ALS2: variants seen among roughly 807,000 people sequenced by gnomAD.
The protein encoded by ALS2 is alsin.
ALS2 carries 117 observed loss-of-function variants against 203.4 expected under a neutral mutation model. The ratio of observed to expected loss-of-function variants is 0.58; its 90% CI spans 0.50 to 0.67. The LOEUF is 0.67. ALS2 is among the 30% of genes least tolerant of loss of function. The pLI is 0.00. For synonymous variants in ALS2, 718 were observed against 725.9 expected, an observed-to-expected ratio of 0.99 and a Z score of 0.17; for missense variants, 1,715 against 1,989.4, an observed-to-expected ratio of 0.86 and a Z score of 2.62.
intron 2 of ALS2, 93 bp downstream of exon 2, chr2:201,768,773 C>G: frequency 7.8e-7 from 1 of 1,275,370 alleles, no homozygotes; most frequent in Admixed American, 1.8e-5. Flanking sequence ...CAACCATCAA[C>G]AAGAAAATTA....
intron 33 of ALS2, among the ~76,000 whole-genome samples, chr2:201,703,918 T>A (rs1166651948): frequency 6.6e-6 from 1 of 152,238 alleles, no homozygotes; most frequent in African/African-American, 2.4e-5. Context: ...ATGAAGAATT[T>A]GCTTTAGTAT....
rs1693174200 is a variant in ALS2, at chr2:201,753,237, T to C, written c.1646A>G (p.Gln549Arg). 1 of 1,613,798 alleles carries C rather than the reference T, an allele frequency of 6.2e-7. No individual in the cohort carries two copies. The highest frequency in any genetic ancestry group is 1.3e-5 in the African/African-American group (1 of 74,930). Reference sequence around the variant, plus strand: ...ATCCAGACATTTTACACACAACGGTTGAAGCCTTAAAAAGAAACACACAGG... The same window carrying C: ...ATCCAGACATTTTACACACAACGGTCGAAGCCTTAAAAAGAAACACACAGG... ...LGHGDVLPRL[Q>R]PLCVKCLDGK... Residue 549 changes from glutamine (Q) to arginine (R), a missense_variant, in exon 7 of 34, where the codon CAA becomes CGA. Physicochemically the swap from Gln to Arg is conservative, Grantham distance 43. Transcript: ENST00000264276.
intron 10 of ALS2, among the ~76,000 whole-genome samples, 186 bp downstream of exon 10, chr2:201,744,072 G>T (rs899410122): frequency 1.3e-5 from 2 of 152,102 alleles, no homozygotes; most frequent in Non-Finnish European, 2.9e-5. Flanking sequence ...GACAGGGCAG[G>T]GGCAGTGAGG....
intron 11 of ALS2, among the ~76,000 whole-genome samples, chr2:201,740,903 G>A (rs545029013): frequency 1.3e-5 from 2 of 152,228 alleles, no homozygotes; most frequent in East Asian, 3.9e-4. Context: ...CTTTTCGCAG[G>A]CCCCATGCTG....
intron 5 of ALS2, 45 bp from the exon 6 acceptor site, chr2:201,754,716 G>A (rs977352941): frequency 2.5e-6 from 4 of 1,602,470 alleles, no homozygotes; most frequent in East Asian, 2.2e-5. Context: ...GAGTCCAGAG[G>A]GTAAGAAAAC....
At chr2:201,733,202 G>C in intron 13 of ALS2, 74 bp downstream of exon 13, 1 of 1,460,418 alleles carries the variant, frequency 6.8e-7, no homozygotes, top group Middle Eastern at 1.8e-4. Context: ...CAGATCTTGT[G>C]GTGGCATAAT....
rs768869484 is a variant in ALS2, at chr2:201,704,144, C to T, written c.4913G>A (p.Gly1638Asp). 1.2e-6 allele frequency: 2 copies of T among 1,613,150 alleles called. No homozygotes were observed. The highest frequency in any genetic ancestry group is 2.2e-5 in the South Asian group (2 of 91,056). ...MDPYLQHGEQGIMFTTLKACY... is the reference protein window; with the variant it reads ...MDPYLQHGEQDIMFTTLKACY... Reference sequence around the variant, plus strand: ...CACCTTCAAGGTGGTGAACATTATACCCTGTTCCCCATGCTGAAGATAGGG... The same window carrying T: ...CACCTTCAAGGTGGTGAACATTATATCCTGTTCCCCATGCTGAAGATAGGG... The change falls in exon 33 of 34, where the codon GGT (glycine) becomes GAT (aspartate). Residue 1638 changes from glycine to aspartate, a missense_variant. Coordinates refer to ENST00000264276, the MANE Select transcript of ALS2 (RefSeq NM_020919.4).
intron 13 of ALS2, among the ~76,000 whole-genome samples, chr2:201,729,750 G>C (rs1042718482): frequency 6.6e-6 from 1 of 151,692 alleles, no homozygotes; most frequent in African/African-American, 2.4e-5. Flanking sequence ...GTGTGGTGGC[G>C]GGCGCCTGTA....
At chr2:201,727,824 C>T (rs769833953) in intron 15 of ALS2, 49 bp from the exon 16 acceptor site, 17 of 1,505,104 alleles carry the variant, frequency 1.1e-5, no homozygotes, top group Admixed American at 2.0e-5. Flanking sequence ...ATGTAGACCT[C>T]GGGGACTCTG....
intron 24 of ALS2, among the ~76,000 whole-genome samples, chr2:201,717,478 C>CAA (rs112096355): frequency 8.5e-6 from 1 of 117,280 alleles, no homozygotes. Context: ...CTCCCACCTC[C>CAA]AAAAAAAAAA....
At chr2:201,769,191 T>C (rs1047372144) in intron 1 of ALS2, among the ~76,000 whole-genome samples, 14 of 152,156 alleles carry the variant, frequency 9.2e-5, no homozygotes, top group Non-Finnish European at 1.9e-4. Context: ...TACCCACAAT[T>C]AAGCTGTACT....
At chr2:201,711,447 T>C (rs1690021513) in intron 25 of ALS2, among the ~76,000 whole-genome samples, 1 of 152,176 alleles carries the variant, frequency 6.6e-6, no homozygotes, top group Non-Finnish European at 1.5e-5. Context: ...GACATTAGCT[T>C]GAAGATAAAT....
intron 31 of ALS2, among the ~76,000 whole-genome samples, 191 bp from the exon 32 acceptor site, chr2:201,704,794 C>T (rs967757207): frequency 3.3e-5 from 5 of 152,242 alleles, no homozygotes; most frequent in East Asian, 1.9e-4. Flanking sequence ...CAACTGTCTA[C>T]GATTCATATA....
At chr2:201,746,472 T>C (rs1692656939) in intron 9 of ALS2, 94 bp downstream of exon 9, 1 of 1,409,908 alleles carries the variant, frequency 7.1e-7, no homozygotes, top group Admixed American at 1.7e-5. Context: ...TAGAGATGCT[T>C]ACTAATAATT....
In ALS2 at chr2:201,754,586, C is replaced by T. The variant is rs753597123; in HGVS notation, c.1557G>A (p.Ala519=). The T allele has an allele frequency of 1.7e-5, 28 of 1,613,982 alleles. No homozygotes were observed. In the Middle Eastern group the frequency reaches 4.9e-4, roughly 28 times the overall value. The change falls in exon 6 of 34, where the codon GCG becomes GCA. Residue 519 remains alanine (A), a synonymous_variant. Transcript: ENST00000264276. ...LTPTYSGEAD[A]LLPSLRTEVW... is the part of the protein sequence containing the mutation. ...CTTCTGTTCTCAGAGAAGGCAGGAG[C>T]GCATCTGCTTCTCCACTGTATGTGG...
chr2:201,713,246 C>G (rs894660212), intron 25 of ALS2, among the ~76,000 whole-genome samples: 3 of 147,870 alleles, frequency 2.0e-5, no homozygotes, highest in African/African-American at 7.5e-5. Context: ...CAGCGATTCT[C>G]CTGCCTCAGC....
Position 201,768,874 on chromosome 2 carries a change from CTTT to C in ALS2, c.9_11del (p.Lys5del), listed in dbSNP as rs776807240. ...GGAAGAAATGATTTTACCTTCTCTTCTTTGAGTCCATCGGTCAGTGGGAACACT... is the reference window on the plus strand; with the variant it reads ...GGAAGAAATGATTTTACCTTCTCTTCGAGTCCATCGGTCAGTGGGAACACT... On this transcript the variant is annotated inframe_deletion, in exon 2 of 34. Transcript: ENST00000264276. The C allele has an allele frequency of 6.2e-7, 1 of 1,613,486 alleles. No individual in the cohort carries two copies. Among genetic ancestry groups the C allele is most frequent in the Non-Finnish European group, 8.5e-7 (1 of 1,179,596 alleles).
At position 201,723,354 on chromosome 2, in the gene ALS2, G is replaced by A. The variant is rs1213855916; in HGVS notation, c.3600C>T (p.Gly1200=). The part of the protein sequence containing the change: ...VVTQFGLYYE[G]NFHLNKMMGN... The stretch of plus-strand genomic sequence containing the variant: ...CCATCATTTTATTAAGGTGAAAGTT[G>A]CCCTCGTAGTATAATCCAAACTGGG... Residue 1200 remains glycine, a synonymous_variant, in exon 22 of 34, where the codon GGC becomes GGT. Coordinates refer to ENST00000264276, the MANE Select transcript of ALS2 (RefSeq NM_020919.4). 1.2e-6 allele frequency: 2 copies of A among 1,612,794 alleles called. No homozygotes were observed. Among genetic ancestry groups the A allele is most frequent in the Non-Finnish European group, 1.7e-6 (2 of 1,178,832 alleles).
At chr2:201,759,507 A>AT in intron 4 of ALS2, 1 of 974,304 alleles carries the variant, frequency 1.0e-6, no homozygotes, top group Non-Finnish European at 1.2e-6. Context: ...TGTTACTAGC[A>AT]TAAGTAACAA....
Sources: gnomAD v4.1 joint callset for allele counts (sites outside exome capture counted in the v4.1 genomes callset) on GRCh38, gnomAD v4.1.1 for gene constraint, MANE v1.5 for transcripts, NCBI Gene and HGNC (gene_info 2026-07-23, HGNC 2026-07-21) for gene names.